The following ZNF831 variants were observed in gnomAD, a reference collection of about 807,000 sequenced individuals.
ZNF831 encodes chromosome 20 open reading frame 174.
In ZNF831, 59 loss-of-function variants were observed where a neutral mutation model predicts 95.8. The ratio of observed to expected loss-of-function variants is 0.62; its 90% CI spans 0.50 to 0.77. The LOEUF is 0.77. Ranked by LOEUF, ZNF831 falls within the 30% of genes least tolerant of loss-of-function variation. The pLI is 0.00. For synonymous variants in ZNF831, 961 were observed against 925.5 expected, an observed-to-expected ratio of 1.04 and a Z score of -0.70; for missense variants, 2,205 against 2,164.0, an observed-to-expected ratio of 1.02 and a Z score of -0.38.
chr20:59,179,657 T>C (rs1982452519), intron 1 of ZNF831, among the ~76,000 whole-genome samples: 1 of 152,164 alleles, frequency 6.6e-6, no homozygotes, highest in African/African-American at 2.4e-5. Flanking sequence ...CGTCCTCGCG[T>C]GGGTCTTCGC....
chr20:59,193,398 G>A lies in ZNF831; in HGVS notation c.2379G>A (p.Gly793=), dbSNP rs757745494. Residue 793 remains glycine (G), a synonymous_variant, in exon 2 of 6, where the codon GGG becomes GGA. Transcript: ENST00000371030. ...TGGAAGGAGGTGCCCGAGGTGTGGG[G>A]GATGTTCAGGAGACCTGCCTGTGGG... ...PKLEGGARGV[G]DVQETCLWAQ... is the part of the protein sequence containing the mutation. The A allele has an allele frequency of 6.2e-7, 1 of 1,601,406 alleles. No homozygotes were observed. Among genetic ancestry groups the A allele is most frequent in the South Asian group, 1.1e-5 (1 of 88,460 alleles).
chr20:59,218,874 G>A (rs1173079348), intron 4 of ZNF831, among the ~76,000 whole-genome samples: 3 of 152,058 alleles, frequency 2.0e-5, no homozygotes, highest in African/African-American at 7.2e-5. Context: ...TTAGCCGGGT[G>A]TAGTGGCATG....
chr20:59,160,268 C>T (rs1478925830), upstream of ZNF831: 8 of 152,164 alleles, frequency 5.3e-5, no homozygotes, highest in African/African-American at 1.4e-4. Context: ...AAGAAATATC[C>T]ATCTATTCCC....
In ZNF831 at chr20:59,127,848, T is replaced by TAGACAAAAG. The variant is rs1202481437; in HGVS notation, c.-1425+4346_-1425+4354dup. 9.6e-4 allele frequency among the ~76,000 whole-genome samples: 146 copies of TAGACAAAAG among 152,324 alleles called. 1 individual carries two copies. Among genetic ancestry groups the TAGACAAAAG allele is most frequent in the African/African-American group, 3.3e-3 (139 of 41,586 alleles). ...GAATTTGGGCTGAACTTTTCTGGCC[T>TAGACAAAAG]AGACAAAAGAGGAGGACTTTGGAGA... On this transcript the variant is annotated intron_variant, in intron 1 of 7. Transcript: ENST00000637017.
intron 1 of ZNF831, among the ~76,000 whole-genome samples, chr20:59,177,624 T>G (rs1982272411): frequency 6.6e-6 from 1 of 152,158 alleles, no homozygotes; most frequent in South Asian, 2.1e-4. Context: ...ACATTCTTGT[T>G]AGGGATGCTC....
At chr20:59,253,861 C>CAA in intron 5 of ZNF831, 37 bp from the exon 6 acceptor site, 2 of 1,066,174 alleles carry the variant, frequency 1.9e-6, no homozygotes, top group Non-Finnish European at 2.5e-6. Flanking sequence ...AATTAACCTC[C>CAA]CCCCCCACTT....
rs746932988 is a variant in ZNF831 at position 59,254,452 on chromosome 20, C to T, written c.4743C>T (p.His1581=). ...ASGPSSASSH[H]KEGRHKTFFP... The stretch of plus-strand genomic sequence containing the variant: ...GACCAAGTTCAGCTAGTTCACACCA[C>T]AAGGAAGGGAGACACAAGACGTTTT... The change falls in exon 6 of 6, where the codon CAC becomes CAT. Residue 1581 remains histidine (H), a synonymous_variant. Transcript: ENST00000371030. The surrounding 1 kb of genome is among the most constrained non-coding windows in gnomAD (Gnocchi z 4.5). The T allele has an allele frequency of 6.2e-7, 1 of 1,614,180 alleles. No individual in the cohort carries two copies. Among genetic ancestry groups the T allele is most frequent in the Non-Finnish European group, 8.5e-7 (1 of 1,180,026 alleles).
intron 2 of ZNF831, among the ~76,000 whole-genome samples, chr20:59,152,733 G>A (rs895415824): frequency 1.3e-5 from 2 of 152,104 alleles, no homozygotes; most frequent in Non-Finnish European, 2.9e-5. Flanking sequence ...AGCACTTCAG[G>A]CCTTGAGTAC....
At position 59,214,044 on chromosome 20, in the gene ZNF831, C is replaced by T. The variant is rs139647954; in HGVS notation, c.4027+6988C>T. On this transcript the variant is annotated intron_variant, in intron 4 of 5. Transcript: ENST00000371030. ...ATCCTGCAAATCTATCATAAGGGTA[C>T]GATTTGTTTATACAACTCTGAACAG... 1.3e-3 allele frequency among the ~76,000 whole-genome samples: 204 copies of T among 152,186 alleles called. 2 individuals are homozygous for T. The highest frequency in any genetic ancestry group is 7.3e-3 in the South Asian group (35 of 4,816).
chr20:59,214,201 C>T (rs958837526), intron 4 of ZNF831, among the ~76,000 whole-genome samples: 1 of 152,182 alleles, frequency 6.6e-6, no homozygotes, highest in African/African-American at 2.4e-5. Flanking sequence ...GAAAAATTCC[C>T]ACGTGTCCCT....
chr20:59,244,106 G>GT (rs1482302594), intron 4 of ZNF831, among the ~76,000 whole-genome samples: 1 of 152,062 alleles, frequency 6.6e-6, no homozygotes, highest in South Asian at 2.1e-4. Context: ...GGTAAGTGAA[G>GT]TGTTCTTCAA....
At chr20:59,131,757 G>T (rs1344406517) in intron 1 of ZNF831, among the ~76,000 whole-genome samples, 1 of 152,190 alleles carries the variant, frequency 6.6e-6, no homozygotes, top group East Asian at 1.9e-4. Flanking sequence ...GCACCTGCAG[G>T]CATGGCAGGG....
At chr20:59,182,119 A>C (rs1220615899) in intron 1 of ZNF831, among the ~76,000 whole-genome samples, 1 of 152,120 alleles carries the variant, frequency 6.6e-6, no homozygotes, top group Non-Finnish European at 1.5e-5. Flanking sequence ...TGTTAGATTA[A>C]TAACAGCACC....
At chr20:59,172,347 A>G (rs1981815522) in intron 1 of ZNF831, among the ~76,000 whole-genome samples, 1 of 152,124 alleles carries the variant, frequency 6.6e-6, no homozygotes, top group African/African-American at 2.4e-5. Flanking sequence ...GTCCTCTGCT[A>G]TTCTGGGACC....
chr20:59,157,045 C>G (rs534963886), intron 2 of ZNF831, among the ~76,000 whole-genome samples: 1 of 152,268 alleles, frequency 6.6e-6, no homozygotes, highest in South Asian at 2.1e-4. Context: ...CATCCATCAC[C>G]TCAAGCATTT....
At chr20:59,162,858 G>A (rs1252087416), upstream of ZNF831, among the ~76,000 whole-genome samples, 1 of 152,174 alleles carries the variant, frequency 6.6e-6, no homozygotes. Context: ...GATAGGAATA[G>A]TGTTGAATTG....
intron 4 of ZNF831, among the ~76,000 whole-genome samples, chr20:59,210,109 A>C (rs1211614759): frequency 3.9e-5 from 6 of 152,342 alleles, no homozygotes; most frequent in Admixed American, 3.9e-4. Context: ...GTTTGTAAAC[A>C]AAAAAGGCAG....
chr20:59,145,257 T>C (rs1160879845), intron 1 of ZNF831, among the ~76,000 whole-genome samples: 1 of 152,160 alleles, frequency 6.6e-6, no homozygotes, highest in Non-Finnish European at 1.5e-5. Context: ...TTGACTTGGG[T>C]CACGTTACCA....
chr20:59,148,957 G>A (rs932003103), intron 2 of ZNF831, among the ~76,000 whole-genome samples: 1 of 152,174 alleles, frequency 6.6e-6, no homozygotes, highest in Non-Finnish European at 1.5e-5. Flanking sequence ...CAGTTGCAGC[G>A]TTCTGGGCTG....
Sources: allele counts gnomAD v4.1 joint callset (sites outside exome capture counted in the v4.1 genomes callset), GRCh38; gene constraint gnomAD v4.1.1; non-coding constraint Gnocchi (gnomAD v3.1); transcripts MANE v1.5; gene names NCBI Gene and HGNC (gene_info 2026-07-23, HGNC 2026-07-21).